Variants in TMEM132D observed in about 807,000 individuals in gnomAD.
TMEM132D encodes transmembrane protein 132D.
TMEM132D carries 21 observed loss-of-function variants against 62.3 expected under a neutral mutation model. The observed-to-expected ratio is 0.34, with a 90% CI of 0.24 to 0.49. The LOEUF is 0.49. Ranked by LOEUF, TMEM132D falls within the 20% of genes least tolerant of loss-of-function variation. The pLI is 0.99. For synonymous variants in TMEM132D, 621 were observed against 575.6 expected (o/e 1.08, Z -1.13); for missense variants, 1,346 against 1,402.8 (o/e 0.96, Z 0.65).
chr12:129,726,992 T>G (rs191909603), intron 1 of TMEM132D, among the ~76,000 whole-genome samples: 1 of 152,290 alleles, frequency 6.6e-6, no homozygotes, highest in South Asian at 2.1e-4. Context: ...GTGGATTTAT[T>G]TGCTATGGGT....
At chr12:129,390,711 T>C (rs971310398) in intron 3 of TMEM132D, among the ~76,000 whole-genome samples, 1 of 152,140 alleles carries the variant, frequency 6.6e-6, no homozygotes, top group African/African-American at 2.4e-5. Context: ...TGCTGGTGAC[T>C]CTGGGACCAC....
intron 2 of TMEM132D, among the ~76,000 whole-genome samples, chr12:129,581,909 T>C (rs139870930): frequency 7.2e-4 from 109 of 152,312 alleles, no homozygotes; most frequent in Non-Finnish European, 1.3e-3. Context: ...ACACGCAGAC[T>C]GAGACAGTCA....
intron 3 of TMEM132D, among the ~76,000 whole-genome samples, chr12:129,383,823 A>T (rs1871025224): frequency 6.6e-6 from 1 of 152,200 alleles, no homozygotes; most frequent in Non-Finnish European, 1.5e-5. Context: ...ATTCACATGG[A>T]TAACTTAAGA....
At chr12:129,390,157 T>C (rs1033227223) in intron 3 of TMEM132D, among the ~76,000 whole-genome samples, 7 of 152,234 alleles carry the variant, frequency 4.6e-5, no homozygotes, top group Admixed American at 3.3e-4. Flanking sequence ...ATAGCTTTTC[T>C]GTAGATCATG....
intron 5 of TMEM132D, among the ~76,000 whole-genome samples, chr12:129,167,171 CAAAA>C (rs199851377): frequency 3.9e-5 from 2 of 51,692 alleles, no homozygotes; most frequent in African/African-American, 4.6e-4. Context: ...AAAAAAAAAA[CAAAA>C]AAAAAACCAG....
At chr12:129,769,975 G>C (rs897468234) in intron 1 of TMEM132D, among the ~76,000 whole-genome samples, 1 of 151,598 alleles carries the variant, frequency 6.6e-6, no homozygotes, top group African/African-American at 2.4e-5. Flanking sequence ...CACACCCGAC[G>C]AACGTTCTTT....
chr12:129,745,386 C>T (rs546966837), intron 1 of TMEM132D, among the ~76,000 whole-genome samples: 3 of 152,266 alleles, frequency 2.0e-5, no homozygotes, highest in African/African-American at 7.2e-5. Context: ...TTATAAAACC[C>T]CAAGTCCATA....
chr12:129,463,564 G>C (rs1017451048), intron 3 of TMEM132D, among the ~76,000 whole-genome samples: 5 of 151,832 alleles, frequency 3.3e-5, no homozygotes, highest in Non-Finnish European at 5.9e-5. Flanking sequence ...ATGTTGGTGT[G>C]CTGCACCCAT....
intron 1 of TMEM132D, among the ~76,000 whole-genome samples, chr12:129,839,643 T>C (rs1055028311): frequency 3.3e-5 from 5 of 152,142 alleles, no homozygotes; most frequent in African/African-American, 9.7e-5. Flanking sequence ...AAAAAAAGAC[T>C]GAGCATATTT....
At chr12:129,462,163 C>T (rs550163882) in intron 3 of TMEM132D, among the ~76,000 whole-genome samples, 2 of 152,212 alleles carry the variant, frequency 1.3e-5, no homozygotes, top group Admixed American at 1.3e-4. Flanking sequence ...AATAAACAAA[C>T]TGAGGCAGAG....
At chr12:129,395,621 A>ATG (rs1871400988) in intron 3 of TMEM132D, among the ~76,000 whole-genome samples, 1 of 151,694 alleles carries the variant, frequency 6.6e-6, no homozygotes, top group Non-Finnish European at 1.5e-5. Flanking sequence ...ATGAATATAT[A>ATG]TATTTACATA....
rs1874185587 is a variant in TMEM132D at position 129,074,553 on chromosome 12, G to T, written c.2622C>A (p.Asp874Glu). Reference protein sequence around the residue: ...KKKGQESLLDDNSHLQTIPSD... With the variant: ...KKKGQESLLDENSHLQTIPSD... Reference sequence around the variant, plus strand: ...TGGGGATGGTCTGCAAGTGGCTGTTGTCATCTAAAAGGCTTTCCTGGCCTT... The same window carrying T: ...TGGGGATGGTCTGCAAGTGGCTGTTTTCATCTAAAAGGCTTTCCTGGCCTT... Residue 874 changes from aspartate (D) to glutamate (E), a missense_variant, in exon 9 of 9, where the codon GAC becomes GAA. Coordinates refer to ENST00000422113, the MANE Select transcript of TMEM132D (RefSeq NM_133448.3). The T allele has an allele frequency of 2.5e-6, 4 of 1,614,080 alleles. No individual in the cohort carries two copies. The highest frequency in any genetic ancestry group is 3.4e-6 in the Non-Finnish European group (4 of 1,180,020).
At chr12:129,318,771 CCTTGGGTGGGT>C (rs1392363872) in intron 4 of TMEM132D, among the ~76,000 whole-genome samples, 2 of 152,084 alleles carry the variant, frequency 1.3e-5, no homozygotes, top group Non-Finnish European at 2.9e-5. Context: ...CTCAGACTCT[CCTTGGGTGGGT>C]CTTGCTGCTG....
intron 3 of TMEM132D, among the ~76,000 whole-genome samples, chr12:129,395,494 T>C (rs1405236358): frequency 2.6e-5 from 4 of 152,058 alleles, no homozygotes; most frequent in Non-Finnish European, 5.9e-5. Flanking sequence ...CTTATGGAGA[T>C]TTGCACAAGG....
At chr12:129,546,304 C>T (rs896615971) in intron 2 of TMEM132D, among the ~76,000 whole-genome samples, 2 of 152,160 alleles carry the variant, frequency 1.3e-5, no homozygotes, top group African/African-American at 4.8e-5. Context: ...AATAAAATAA[C>T]AACTTTGATT....
intron 1 of TMEM132D, chr12:129,852,086 A>G (rs1036333578): frequency 4.6e-5 from 7 of 152,232 alleles, no homozygotes; most frequent in Non-Finnish European, 7.3e-5. Flanking sequence ...CACAACCTGC[A>G]CAACCTCACA....
intron 4 of TMEM132D, among the ~76,000 whole-genome samples, chr12:129,291,557 C>A (rs1432405991): frequency 2.6e-5 from 4 of 152,210 alleles, no homozygotes; most frequent in African/African-American, 7.2e-5. Context: ...AACTTAATTA[C>A]TTTTGTAACA....
intron 5 of TMEM132D, among the ~76,000 whole-genome samples, chr12:129,136,763 C>T (rs1053570185): frequency 5.7e-4 from 81 of 141,334 alleles, no homozygotes; most frequent in Non-Finnish European, 8.2e-4. Context: ...CCACCATCAT[C>T]ACCATCATCA....
At chr12:129,223,985 A>T (rs1319291353) in intron 4 of TMEM132D, among the ~76,000 whole-genome samples, 3 of 152,142 alleles carry the variant, frequency 2.0e-5, no homozygotes, top group African/African-American at 7.2e-5. Flanking sequence ...TGTGCATTGC[A>T]GCATCTCTGG....
Sources: gnomAD v4.1 joint callset for allele counts (sites outside exome capture counted in the v4.1 genomes callset) on GRCh38, gnomAD v4.1.1 for gene constraint, MANE v1.5 for transcripts, NCBI Gene and HGNC (gene_info 2026-07-23, HGNC 2026-07-21) for gene names.